Variants in MRPL22 observed in about 807,000 individuals in gnomAD.
MRPL22 encodes the protein mitochondrial ribosomal protein L22.
Under a neutral mutation model 32.4 loss-of-function variants are expected in MRPL22, and 27 were observed. The observed-to-expected ratio is 0.83, with a 90% CI of 0.61 to 1.15. The LOEUF (loss-of-function observed/expected upper bound fraction) is 1.15, where lower values mean the gene tolerates loss of function less well. MRPL22 is among the 50% of genes most tolerant of loss of function. The pLI is 0.00. For missense variants in MRPL22, 239 were observed against 260.2 expected, an observed-to-expected ratio of 0.92 and a Z score of 0.56; for synonymous variants, 86 against 87.3, an observed-to-expected ratio of 0.99 and a Z score of 0.08.
chr5:154,958,057 C>T (rs961076323), intron 5 of MRPL22, among the ~76,000 whole-genome samples: 3 of 151,566 alleles, frequency 2.0e-5, no homozygotes, highest in Non-Finnish European at 1.5e-5. Flanking sequence ...GCTGGGACTA[C>T]AGCTGCGCGC....
chr5:154,944,812 G>A (rs902227597), intron 2 of MRPL22, among the ~76,000 whole-genome samples: 1 of 152,286 alleles, frequency 6.6e-6, no homozygotes, highest in African/African-American at 2.4e-5. Context: ...AAGATTTGAA[G>A]GAAATGAGGA....
At chr5:154,955,936 G>C (rs540539151) in intron 3 of MRPL22, 5 of 170,132 alleles carry the variant, frequency 2.9e-5, no homozygotes, top group African/African-American at 1.2e-4. Flanking sequence ...AACCTATGCT[G>C]TTGGCCAAAC....
intron 2 of MRPL22, among the ~76,000 whole-genome samples, chr5:154,950,217 G>A (rs769427319): frequency 6.6e-6 from 1 of 152,068 alleles, no homozygotes; most frequent in African/African-American, 2.4e-5. Context: ...TCACTATCAC[G>A]AGAACAGCAT....
chr5:154,962,990 G>C (rs1307361543), intron 6 of MRPL22, among the ~76,000 whole-genome samples: 3 of 152,192 alleles, frequency 2.0e-5, no homozygotes, highest in Non-Finnish European at 4.4e-5. Context: ...CCAGGCTAGA[G>C]TGTAGTGGTG....
chr5:154,966,702 A>G lies in MRPL22; in HGVS notation c.426A>G (p.Gly142=), dbSNP rs768728891. 6.2e-7 allele frequency: 1 copy of G among 1,614,000 alleles called. No individual in the cohort carries two copies. The highest frequency in any genetic ancestry group is 8.5e-7 in the Non-Finnish European group (1 of 1,180,036). The part of the protein sequence containing the change: ...SNLYIAESTS[G]RGQCLKRIRY... Reference sequence around the variant, plus strand: ...CCTGTTTAGCTGAGTCCACCTCAGGACGAGGCCAGTGCCTGAAACGCATCC... The same window carrying G: ...CCTGTTTAGCTGAGTCCACCTCAGGGCGAGGCCAGTGCCTGAAACGCATCC... The change falls in exon 7 of 7, where the codon GGA becomes GGG. Residue 142 remains glycine (G), a synonymous_variant. Transcript: ENST00000523037.
At chr5:154,962,227 T>G (rs1764715090) in intron 6 of MRPL22, among the ~76,000 whole-genome samples, 1 of 152,232 alleles carries the variant, frequency 6.6e-6, no homozygotes, top group African/African-American at 2.4e-5. Context: ...TTTGCCAAGC[T>G]GCTTCTTAAG....
At chr5:154,966,452 G>T (rs1339100589) in intron 6 of MRPL22, among the ~76,000 whole-genome samples, 1 of 152,178 alleles carries the variant, frequency 6.6e-6, no homozygotes, top group Admixed American at 6.5e-5. Context: ...AATGTAAACT[G>T]CTTGGAGGCA....
chr5:154,954,144 C>T (rs1383497083), intron 3 of MRPL22, among the ~76,000 whole-genome samples: 1 of 151,966 alleles, frequency 6.6e-6, no homozygotes, highest in East Asian at 1.9e-4. Flanking sequence ...TATGTGCCAC[C>T]ACTCCCAGCT....
At chr5:154,960,493 G>A (rs164198) in intron 6 of MRPL22, among the ~76,000 whole-genome samples, 5,747 of 152,252 alleles carry the variant, frequency 0.038, 167 homozygotes, top group African/African-American at 0.081. Flanking sequence ...TAACCTTACA[G>A]TTATCAAAAT....
chr5:154,942,596 C>T (rs1473666193), intron 2 of MRPL22, among the ~76,000 whole-genome samples: 1 of 152,244 alleles, frequency 6.6e-6, no homozygotes, highest in Non-Finnish European at 1.5e-5. Context: ...GCCCTCACAT[C>T]TTGTCTATAA....
rs1017342942 is a variant in MRPL22, at chr5:154,941,217, G to A, written c.29G>A (p.Gly10Asp). 1.2e-6 allele frequency: 2 copies of A among 1,613,868 alleles called. No individual in the cohort carries two copies. Among genetic ancestry groups the A allele is most frequent in the African/African-American group, 1.3e-5 (1 of 74,904 alleles). ...TTGACGGCTTGTGTTGATGTTGCAGGTGCGTTATGGATACATAACCTGAGG... is the reference window on the plus strand; with the variant it reads ...TTGACGGCTTGTGTTGATGTTGCAGATGCGTTATGGATACATAACCTGAGG... MAAAVLGQL[G>D]ALWIHNLRSR... Residue 10 changes from glycine (G) to aspartate (D), a missense_variant and splice_region_variant, in exon 2 of 7, where the codon GGT becomes GAT. Physicochemically the swap from Gly to Asp is moderately conservative, Grantham distance 94. Transcript: ENST00000523037.
At position 154,941,198 on chromosome 5, in the gene MRPL22, GC is replaced by G; in HGVS notation, c.29-18del. The G allele has an allele frequency of 6.2e-7, 1 of 1,614,142 alleles. No homozygotes were observed. Among genetic ancestry groups the G allele is most frequent in the Non-Finnish European group, 8.5e-7 (1 of 1,180,036 alleles). On this transcript the variant is annotated intron_variant, in intron 1 of 6. Coordinates refer to ENST00000523037, the MANE Select transcript of MRPL22 (RefSeq NM_014180.4). ...AGTCGAGATGGAATCTGAGTTGACG[GC>G]TTGTGTTGATGTTGCAGGTGCGTTA...
chr5:154,958,186 T>A (rs1764656070), intron 5 of MRPL22, among the ~76,000 whole-genome samples: 1 of 152,214 alleles, frequency 6.6e-6, no homozygotes, highest in African/African-American at 2.4e-5. Context: ...CCCAAAGTGC[T>A]GGGATTACAG....
At chr5:154,963,520 T>C (rs965178048) in intron 6 of MRPL22, among the ~76,000 whole-genome samples, 3 of 152,220 alleles carry the variant, frequency 2.0e-5, no homozygotes, top group Non-Finnish European at 4.4e-5. Flanking sequence ...ACCATTAATA[T>C]TATATGTACT....
chr5:154,964,323 C>T (rs1034587932), intron 6 of MRPL22, among the ~76,000 whole-genome samples: 5 of 152,154 alleles, frequency 3.3e-5, no homozygotes, highest in Middle Eastern at 3.2e-3. Context: ...CCTTGACCCA[C>T]GTTTCAATAG....
rs1449157043 is a variant in MRPL22 at position 154,960,797 on chromosome 5, G to T, written c.409+748G>T. On this transcript the variant is annotated intron_variant, in intron 6 of 6. Coordinates refer to ENST00000523037, the MANE Select transcript of MRPL22 (RefSeq NM_014180.4). ...AACACCATGGGAAAGTGGAGCAGTG[G>T]TTGGAGTTATTATTTTTTTCTCACT... 4.6e-5 allele frequency among the ~76,000 whole-genome samples: 7 copies of T among 152,272 alleles called. No homozygotes were observed. In the East Asian group the frequency reaches 1.3e-3, roughly 29 times the overall value.
At chr5:154,945,845 T>C (rs967111548) in intron 2 of MRPL22, among the ~76,000 whole-genome samples, 3 of 152,220 alleles carry the variant, frequency 2.0e-5, no homozygotes, top group Admixed American at 1.3e-4. Flanking sequence ...TTGCTTCATT[T>C]TGTTTTAATT....
At chr5:154,948,406 T>C (rs1764519257) in intron 2 of MRPL22, among the ~76,000 whole-genome samples, 1 of 152,270 alleles carries the variant, frequency 6.6e-6, no homozygotes, top group Non-Finnish European at 1.5e-5. Context: ...GTAGGTTTTT[T>C]ATTCAACCCT....
intron 2 of MRPL22, among the ~76,000 whole-genome samples, chr5:154,950,461 A>C (rs1225174000): frequency 1.3e-5 from 2 of 152,196 alleles, no homozygotes; most frequent in East Asian, 1.9e-4. Context: ...TACTCAACAA[A>C]GTTGGGCAAT....
Sources: allele counts gnomAD v4.1 joint callset (sites outside exome capture counted in the v4.1 genomes callset), GRCh38; gene constraint gnomAD v4.1.1; transcripts MANE v1.5; gene names NCBI Gene and HGNC (gene_info 2026-07-23, HGNC 2026-07-21).